Variants in RORA observed in about 807,000 individuals in gnomAD.
RORA encodes nuclear receptor ROR-alpha.
Under a neutral mutation model 69.5 loss-of-function variants are expected in RORA, and 7 were observed. The observed-to-expected ratio is 0.10, with a 90% confidence interval of 0.06 to 0.19. The LOEUF is 0.19. Ranked by LOEUF, RORA falls within the 10% of genes least tolerant of loss-of-function variation. The probability of loss-of-function intolerance (pLI) is 1.00; values close to 1 mark genes in which losing one functional copy is unlikely to be tolerated. For missense variants in RORA, 457 were observed against 663.0 expected (o/e 0.69, Z 3.41); for synonymous variants, 261 against 240.8 (o/e 1.08, Z -0.78).
At chr15:60,538,917 C>A (rs756528816) in intron 2 of RORA, among the ~76,000 whole-genome samples, 18 of 151,742 alleles carry the variant, frequency 1.2e-4, no homozygotes, top group Non-Finnish European at 2.2e-4. Flanking sequence ...AAAACTTCAA[C>A]TGGATTGTAA....
intron 1 of RORA, among the ~76,000 whole-genome samples, chr15:60,946,547 G>C (rs1197837575): frequency 1.3e-5 from 2 of 152,252 alleles, no homozygotes; most frequent in Non-Finnish European, 2.9e-5. Context: ...CGGGATTGCA[G>C]ACGGAGTCTC....
chr15:60,897,640 C>T (rs963094593), intron 1 of RORA, among the ~76,000 whole-genome samples: 1 of 152,186 alleles, frequency 6.6e-6, no homozygotes, highest in Non-Finnish European at 1.5e-5. Context: ...TCTTTTTGAG[C>T]CCCCAAATTG....
intron 2 of RORA, among the ~76,000 whole-genome samples, chr15:60,578,899 G>C (rs1395864523): frequency 6.6e-6 from 1 of 151,684 alleles, no homozygotes; most frequent in African/African-American, 2.4e-5. Context: ...GAGTAGCTGG[G>C]ACTACAGGCG....
Position 60,636,858 on chromosome 15 carries a change from T to C in RORA, c.196+41799A>G, listed in dbSNP as rs568252296. Among the ~76,000 whole-genome samples the C allele has an allele frequency of 1.6e-4, 25 of 152,262 alleles. 1 individual carries two copies. The highest frequency in any genetic ancestry group is 1.2e-3 in the Admixed American group (18 of 15,300). On this transcript the variant is annotated intron_variant, in intron 2 of 10. Transcript: ENST00000335670. ...ATCATTCTGTGCACAGAATTTCACA[T>C]ACTACTTTTTATTCAATCAAAAATA...
chr15:60,906,518 C>T (rs146747643), intron 1 of RORA, among the ~76,000 whole-genome samples: 57 of 152,300 alleles, frequency 3.7e-4, no homozygotes, highest in Non-Finnish European at 6.9e-4. Context: ...GGGAGGTGGT[C>T]GCAGCCATTC....
At chr15:60,650,601 A>T (rs977467977) in intron 2 of RORA, 7 of 152,326 alleles carry the variant, frequency 4.6e-5, no homozygotes, top group Admixed American at 1.3e-4. Flanking sequence ...GAACATTCAT[A>T]TAGGGAGACT....
chr15:60,847,001 A>G (rs1164051131), intron 1 of RORA, among the ~76,000 whole-genome samples: 1 of 152,178 alleles, frequency 6.6e-6, no homozygotes, highest in African/African-American at 2.4e-5. Flanking sequence ...CTATACTTTT[A>G]TGGTTAATAT....
chr15:61,094,073 T>G (rs1374483921), intron 1 of RORA, among the ~76,000 whole-genome samples: 3 of 152,214 alleles, frequency 2.0e-5, no homozygotes, highest in Non-Finnish European at 2.9e-5. Context: ...GAGAGCCTCA[T>G]GCTGGTGAAC....
At chr15:60,971,331 A>G (rs1192502971) in intron 1 of RORA, among the ~76,000 whole-genome samples, 1 of 152,116 alleles carries the variant, frequency 6.6e-6, no homozygotes, top group East Asian at 1.9e-4. Flanking sequence ...GAGTTCCTTA[A>G]GGGAGAAATT....
intron 1 of RORA, among the ~76,000 whole-genome samples, chr15:61,200,593 C>T (rs1218194976): frequency 6.6e-6 from 1 of 152,178 alleles, no homozygotes; most frequent in South Asian, 2.1e-4. Context: ...CTTCCCTGTG[C>T]CTCACTAGGT....
intron 3 of RORA, among the ~76,000 whole-genome samples, chr15:60,523,943 G>A (rs1204221760): frequency 1.3e-5 from 2 of 152,182 alleles, no homozygotes; most frequent in African/African-American, 2.4e-5. Context: ...CCACAATGCC[G>A]GGATTACAGG....
chr15:61,040,102 T>A (rs1371971602), intron 1 of RORA, among the ~76,000 whole-genome samples: 2 of 109,162 alleles, frequency 1.8e-5, no homozygotes, highest in African/African-American at 7.3e-5. Flanking sequence ...ATGGCTATGA[T>A]CACAAGCTTT....
intron 1 of RORA, among the ~76,000 whole-genome samples, chr15:60,748,930 C>T (rs1376617070): frequency 2.6e-5 from 4 of 152,206 alleles, no homozygotes; most frequent in East Asian, 1.9e-4. Context: ...AGGAGTTTCC[C>T]GGTTACCTTA....
At chr15:60,977,947 A>G (rs1595857541) in intron 1 of RORA, among the ~76,000 whole-genome samples, 1 of 152,212 alleles carries the variant, frequency 6.6e-6, no homozygotes, top group East Asian at 1.9e-4. Flanking sequence ...TCATGTGGAC[A>G]TATGTTTTCA....
intron 1 of RORA, among the ~76,000 whole-genome samples, chr15:61,197,681 C>T (rs188572694): frequency 6.6e-6 from 1 of 152,202 alleles, no homozygotes; most frequent in African/African-American, 2.4e-5. Context: ...ATATCAATCC[C>T]ATGGGCCATG....
At chr15:60,782,217 C>T (rs1271144327) in intron 1 of RORA, among the ~76,000 whole-genome samples, 1 of 151,960 alleles carries the variant, frequency 6.6e-6, no homozygotes, top group African/African-American at 2.4e-5. Context: ...GAGTGAGACT[C>T]CAACTCAGCA....
intron 10 of RORA, among the ~76,000 whole-genome samples, chr15:60,497,829 C>T (rs901700636): frequency 2.0e-5 from 3 of 151,778 alleles, no homozygotes; most frequent in African/African-American, 4.8e-5. Flanking sequence ...GAGGCCGAGG[C>T]GGTTGGATTG....
chr15:60,544,448 C>T (rs959500124), intron 2 of RORA, among the ~76,000 whole-genome samples: 5 of 152,132 alleles, frequency 3.3e-5, no homozygotes, highest in African/African-American at 1.2e-4. Context: ...CGTTTTTATA[C>T]ACCGAACCCC....
intron 1 of RORA, among the ~76,000 whole-genome samples, chr15:60,913,412 G>A (rs1450930578): frequency 6.6e-6 from 1 of 152,220 alleles, no homozygotes; most frequent in Admixed American, 6.5e-5. Flanking sequence ...AAGCCTAGAG[G>A]AAATTGGCCA....
Sources: gnomAD v4.1 joint callset for allele counts (sites outside exome capture counted in the v4.1 genomes callset) on GRCh38, gnomAD v4.1.1 for gene constraint, MANE v1.5 for transcripts, NCBI Gene and HGNC (gene_info 2026-07-23, HGNC 2026-07-21) for gene names.